Variants in SYTL2 observed in about 807,000 individuals in gnomAD.
SYTL2 encodes the protein synaptotagmin-like protein 2.
Under a neutral mutation model 198.7 loss-of-function variants are expected in SYTL2, and 165 were observed. The observed-to-expected ratio is 0.83, with a 90% CI of 0.73 to 0.94. The LOEUF is 0.94. Ranked by LOEUF, SYTL2 falls within the 40% of genes least tolerant of loss-of-function variation. The pLI is 0.00. For synonymous variants in SYTL2, 966 were observed against 917.7 expected (o/e 1.05, Z -0.95); for missense variants, 2,835 against 2,582.8 (o/e 1.10, Z -2.12).
chr11:85,722,691 AATT>A (rs1486496104), intron 8 of SYTL2, among the ~76,000 whole-genome samples: 1 of 151,838 alleles, frequency 6.6e-6, no homozygotes, highest in Non-Finnish European at 1.5e-5. Flanking sequence ...TACATTAATT[AATT>A]ATTAATTAAT....
chr11:85,745,476 C>G (rs928122729), intron 4 of SYTL2, among the ~76,000 whole-genome samples, 161 bp downstream of exon 4: 1 of 152,172 alleles, frequency 6.6e-6, no homozygotes, highest in African/African-American at 2.4e-5. Flanking sequence ...ACCACTTGGG[C>G]TTTATCTGCA....
intron 2 of SYTL2, among the ~76,000 whole-genome samples, chr11:85,749,869 G>A (rs2091407354): frequency 1.3e-5 from 2 of 152,138 alleles, no homozygotes; most frequent in South Asian, 4.1e-4. Context: ...AGTTCCTGGG[G>A]GCAGGGTCTG....
At chr11:85,752,542 A>C (rs1164563929) in intron 2 of SYTL2, among the ~76,000 whole-genome samples, 2 of 152,190 alleles carry the variant, frequency 1.3e-5, no homozygotes, top group Admixed American at 1.3e-4. Flanking sequence ...TCTTTGATGA[A>C]GAATCTGAAA....
At chr11:85,719,288 G>A (rs1256165879) in intron 9 of SYTL2, 2 of 1,167,840 alleles carry the variant, frequency 1.7e-6, no homozygotes, top group Non-Finnish European at 2.1e-6. Flanking sequence ...GAAGTCAACT[G>A]AAGAGATGTA....
At chr11:85,830,983 C>A in the SYTL2 span, among the ~76,000 whole-genome samples, 1 of 152,180 alleles carries the variant, frequency 6.6e-6, no homozygotes, top group Non-Finnish European at 1.5e-5. Flanking sequence ...TTCATGGAAG[C>A]AGCACCTGCT....
At chr11:85,698,448 C>T (rs2153363571) in intron 17 of SYTL2, among the ~76,000 whole-genome samples, 1 of 152,288 alleles carries the variant, frequency 6.6e-6, no homozygotes, top group African/African-American at 2.4e-5. Flanking sequence ...ATACCAGTAT[C>T]AGTTGGTGCT....
the SYTL2 span, chr11:85,854,230 CATA>C: frequency 3.3e-5 from 5 of 150,992 alleles, no homozygotes; most frequent in East Asian, 1.9e-4. Context: ...AATTATAAAT[CATA>C]ATATTATCAA....
intron 1 of SYTL2, among the ~76,000 whole-genome samples, chr11:85,800,963 C>G (rs1463838209): frequency 1.3e-5 from 2 of 152,200 alleles, no homozygotes; most frequent in Admixed American, 1.3e-4. Flanking sequence ...GTTTTCCCTC[C>G]AGCATAGATA....
chr11:85,711,269 T>G, intron 12 of SYTL2, 37 bp from the exon 13 acceptor site: 2 of 1,598,078 alleles, frequency 1.3e-6, no homozygotes, highest in Non-Finnish European at 1.7e-6. Flanking sequence ...ATATTTAAAT[T>G]CAGAATGAGT....
Position 85,724,359 on chromosome 11 carries a change from G to C in SYTL2, c.4999C>G (p.Leu1667Val), listed in dbSNP as rs1354465516. ...GTCCCTATTTCATGAGCCACATAAA[G>C]TTGTGGGGTTCTAGGGATCTCAACT... ...SGVEIPRTPQLYVAHEIGTIK... is the reference protein window; with the variant it reads ...SGVEIPRTPQVYVAHEIGTIK... Residue 1667 changes from leucine (L) to valine (V), a missense_variant, in exon 8 of 20, where the codon CTT (leucine) becomes GTT (valine). Leu to Val is a conservative substitution (Grantham distance 32). This residue lies in a region of SYTL2 where 2,645 missense variants were observed against 2,381.7 expected (regional missense o/e 1.11). Coordinates refer to ENST00000359152, the MANE Select transcript of SYTL2 (RefSeq NM_206927.4). The C allele has an allele frequency of 6.3e-7, 1 of 1,588,446 alleles. No homozygotes were observed. Among genetic ancestry groups the C allele is most frequent in the Non-Finnish European group, 8.5e-7 (1 of 1,169,754 alleles).
chr11:85,743,400 C>T (rs1186217429), intron 4 of SYTL2, among the ~76,000 whole-genome samples: 2 of 152,156 alleles, frequency 1.3e-5, no homozygotes, highest in Non-Finnish European at 2.9e-5. Flanking sequence ...AGCAAAGCAT[C>T]CTGGATACGC....
At chr11:85,803,396 G>A (rs901558524) in intron 1 of SYTL2, among the ~76,000 whole-genome samples, 3 of 152,166 alleles carry the variant, frequency 2.0e-5, no homozygotes, top group Non-Finnish European at 2.9e-5. Flanking sequence ...CTTCTTGCCA[G>A]TTCTCCATAG....
At chr11:85,844,112 G>C in the SYTL2 span, among the ~76,000 whole-genome samples, 4 of 152,168 alleles carry the variant, frequency 2.6e-5, no homozygotes, top group African/African-American at 9.7e-5. Flanking sequence ...GCTTCACTTG[G>C]ACAGCCTCCT....
In SYTL2 at chr11:85,777,812, C is replaced by CTTT. The variant is rs57873368; in HGVS notation, c.-389-19701_-389-19699dup. Among the ~76,000 whole-genome samples, 326 of 63,242 alleles carry CTTT rather than the reference C, an allele frequency of 5.2e-3. 1 individual carries two copies. The highest frequency in any genetic ancestry group is 8.9e-3 in the East Asian group (15 of 1,684). The allele number at this position is 63,242 out of a possible 152,430, so 41.5% of individuals were successfully genotyped here. On this transcript the variant is annotated intron_variant, in intron 1 of 19. Coordinates refer to ENST00000359152, the MANE Select transcript of SYTL2 (RefSeq NM_206927.4). ...CTTACCAGAATTACAGGTCTTACTT[C>CTTT]TTTTTTTTTTTTTTTTTTTTTTTTT...
chr11:85,698,362 C>T (rs186488707), intron 17 of SYTL2, among the ~76,000 whole-genome samples: 6 of 152,292 alleles, frequency 3.9e-5, no homozygotes, highest in Admixed American at 3.9e-4. Context: ...CAAAATCAAA[C>T]ACCAGGAATG....
At chr11:85,780,003 G>T (rs1436352776) in intron 1 of SYTL2, among the ~76,000 whole-genome samples, 1 of 152,208 alleles carries the variant, frequency 6.6e-6, no homozygotes, top group African/African-American at 2.4e-5. Context: ...TCTGCAAAGT[G>T]AGGGAACTAA....
chr11:85,718,521 A>T, intron 10 of SYTL2: 1 of 420,558 alleles, frequency 2.4e-6, no homozygotes, highest in Non-Finnish European at 4.3e-6. Context: ...CTCACATCCA[A>T]AGAAATACAA....
At position 85,745,734 on chromosome 11, in the gene SYTL2, T is replaced by G; in HGVS notation, c.292A>C (p.Ser98Arg). The G allele has an allele frequency of 6.2e-7, 1 of 1,613,622 alleles. No individual in the cohort carries two copies. Among genetic ancestry groups the G allele is most frequent in the Non-Finnish European group, 8.5e-7 (1 of 1,179,638 alleles). The change falls in exon 4 of 20, where the codon AGC becomes CGC. Residue 98 changes from serine (S) to arginine (R), a missense_variant. Ser to Arg is a moderately radical substitution (Grantham distance 110, BLOSUM62 -1). Transcript: ENST00000359152. ...SKDRENGAKESWVNNVNKDAF... is the reference protein window; with the variant it reads ...SKDRENGAKERWVNNVNKDAF... The stretch of plus-strand genomic sequence containing the variant: ...TCTTTGTTGACATTATTCACCCAGC[T>G]TTCCTTTGCCCCATTTTCTCTGTCT...
At chr11:85,699,215 T>C (rs1219304592) in intron 17 of SYTL2, among the ~76,000 whole-genome samples, 1 of 152,202 alleles carries the variant, frequency 6.6e-6, no homozygotes, top group African/African-American at 2.4e-5. Flanking sequence ...TAGAAGATGA[T>C]ATGATCAGTG....
Sources: gnomAD v4.1 joint callset for allele counts (sites outside exome capture counted in the v4.1 genomes callset) on GRCh38, gnomAD v4.1.1 for gene constraint, gnomAD v4.1.1 regional missense constraint, MANE v1.5 for transcripts, NCBI Gene and HGNC (gene_info 2026-07-23, HGNC 2026-07-21) for gene names.